RIF1: variants seen among roughly 807,000 people sequenced by gnomAD.
RIF1 encodes the protein replication timing regulatory factor 1.
In RIF1, 45 loss-of-function variants were observed where a neutral mutation model predicts 247.1. The observed-to-expected ratio is 0.18, with a 90% confidence interval of 0.14 to 0.23. The LOEUF is 0.23. RIF1 is among the 10% of genes least tolerant of loss of function. The pLI is 1.00. For missense variants in RIF1, 2,967 were observed against 2,862.5 expected, an observed-to-expected ratio of 1.04 and a Z score of -0.83; for synonymous variants, 1,087 against 978.8, an observed-to-expected ratio of 1.11 and a Z score of -2.06.
At chr2:151,524,364 G>A in the RIF1 span, 2 of 1,613,822 alleles carry the variant, frequency 1.2e-6, no homozygotes, top group African/African-American at 2.7e-5. Context: ...GGGCGACCGA[G>A]CATGCTTAAG....
intron 20 of RIF1, 150 bp from the exon 21 acceptor site, chr2:151,451,456 G>A: frequency 1.7e-6 from 1 of 578,942 alleles, no homozygotes. Context: ...TTAAGCCGTG[G>A]GTGGCTGCAC....
the RIF1 span, chr2:151,526,347 C>T: frequency 2.2e-6 from 2 of 907,652 alleles, no homozygotes; most frequent in Non-Finnish European, 3.6e-6. Flanking sequence ...AGTAGAACAG[C>T]AGCGTTGACA....
At chr2:151,493,728 C>T in intron 9 of RIF1, 4 of 1,351,254 alleles carry the variant, frequency 3.0e-6, no homozygotes, top group Non-Finnish European at 4.1e-6. Flanking sequence ...ACCATGTTTG[C>T]CAGGGCTGTT....
At chr2:151,423,893 T>C (rs1688569523) in intron 8 of RIF1, 1 of 152,156 alleles carries the variant, frequency 6.6e-6, no homozygotes, top group Non-Finnish European at 1.5e-5. Flanking sequence ...ATCACCACTA[T>C]CTATACCCAA....
chr2:151,524,357 C>T, the RIF1 span: 36 of 1,613,874 alleles, frequency 2.2e-5, no homozygotes, highest in Middle Eastern at 1.7e-4. Context: ...TATGTCTGGG[C>T]GACCGAGCAT....
intron 34 of RIF1, among the ~76,000 whole-genome samples, chr2:151,473,455 GT>G (rs531663902): frequency 2.6e-5 from 4 of 151,414 alleles, no homozygotes; most frequent in Admixed American, 6.6e-5. Flanking sequence ...TAATTTTTGT[GT>G]TTTTTGTAGA....
At chr2:151,424,564 T>C (rs1415005168) in intron 8 of RIF1, among the ~76,000 whole-genome samples, 1 of 152,170 alleles carries the variant, frequency 6.6e-6, no homozygotes, top group Non-Finnish European at 1.5e-5. Context: ...TAAACACCAG[T>C]GTACAAATCT....
rs781545854 is a variant in RIF1 at position 151,463,002 on chromosome 2, C to G, written c.3482C>G (p.Thr1161Ser). ...SNNECGSLDKTSPEMSNSNND... is the reference protein window; with the variant it reads ...SNNECGSLDKSSPEMSNSNND... ...AATGAGTGTGGTTCTCTTGACAAAA[C>G]CAGTCCAGAAATGTCAAACAGTAAT... Residue 1161 changes from threonine (T) to serine (S), a missense_variant, in exon 30 of 36, where the codon ACC becomes AGC. This residue lies in a region of RIF1 where 2,028 missense variants were observed against 1,825.6 expected (regional missense o/e 1.11). Coordinates refer to ENST00000444746, the MANE Select transcript of RIF1 (RefSeq NM_018151.5). 2.0e-5 allele frequency: 33 copies of G among 1,613,606 alleles called. No individual in the cohort carries two copies. Among genetic ancestry groups the G allele is most frequent in the African/African-American group, 2.7e-5 (2 of 74,910 alleles).
rs768372670 is a variant in RIF1 at position 151,463,507 on chromosome 2, T to C, written c.3987T>C (p.Pro1329=). 1 of 1,614,106 alleles carries C rather than the reference T, an allele frequency of 6.2e-7. No homozygotes were observed. Among genetic ancestry groups the C allele is most frequent in the Admixed American group, 1.7e-5 (1 of 60,030 alleles). Residue 1329 remains proline (P), a synonymous_variant, in exon 30 of 36, where the codon CCT becomes CCC. Transcript: ENST00000444746. ...EGIVVLENNP[P]GLLNQTECVS... ...TTGTAGTCTTAGAAAATAACCCACC[T>C]GGTTTGCTTAATCAAACAGAATGTG... is the stretch of plus-strand genomic sequence containing the variant.
At chr2:151,431,812 T>TGAATGAAC (rs1396705391) in intron 9 of RIF1, among the ~76,000 whole-genome samples, 9 of 148,434 alleles carry the variant, frequency 6.1e-5, no homozygotes, top group African/African-American at 9.8e-5. Flanking sequence ...AATGAATGAA[T>TGAATGAAC]GAACAAAAAG....
downstream of RIF1, among the ~76,000 whole-genome samples, chr2:151,512,374 GGACTGCAGTGGTGCAGTCACAGCT>G (rs1209390009): frequency 6.6e-6 from 1 of 150,514 alleles, no homozygotes; most frequent in Non-Finnish European, 1.5e-5. Context: ...GTCACCCAGG[GGACTGCAGTGGTGCAGTCACAGCT>G]GACTGCAGCC....
intron 13 of RIF1, among the ~76,000 whole-genome samples, chr2:151,437,873 G>A (rs886609342): frequency 2.0e-5 from 3 of 152,274 alleles, no homozygotes; most frequent in Non-Finnish European, 4.4e-5. Flanking sequence ...AGTCACTTAC[G>A]AGTGGTAGTA....
At position 151,496,942 on chromosome 2, in the gene RIF1, G is replaced by A. The variant is rs760687709; in HGVS notation, c.*513+1616G>A. On this transcript the variant is annotated intron_variant and NMD_transcript_variant, in intron 10 of 13. Coordinates refer to the RIF1 transcript ENST00000454583. Reference sequence around the variant, plus strand: ...TTTTTTCTTTTCTTGCCCAAGTACCGAGCTAATATTTTCTTGATTGTGTTT... The same window carrying A: ...TTTTTTCTTTTCTTGCCCAAGTACCAAGCTAATATTTTCTTGATTGTGTTT... 9.6e-6 allele frequency: 15 copies of A among 1,570,120 alleles called. No individual in the cohort carries two copies. In the Middle Eastern group the frequency reaches 6.6e-4, roughly 69 times the overall value.
chr2:151,414,273 C>T (rs1052346840), intron 3 of RIF1, among the ~76,000 whole-genome samples: 4 of 141,782 alleles, frequency 2.8e-5, no homozygotes, highest in Non-Finnish European at 4.6e-5. Flanking sequence ...GCAACAAGAG[C>T]GAAACTCTGT....
At chr2:151,430,707 A>G (rs183323033) in intron 9 of RIF1, among the ~76,000 whole-genome samples, 226 of 142,138 alleles carry the variant, frequency 1.6e-3, no homozygotes, top group African/African-American at 6.0e-3. Context: ...CCTGTCACCT[A>G]GACTGGAGTG....
At chr2:151,474,545 G>A (rs2048826872) in intron 35 of RIF1, among the ~76,000 whole-genome samples, 1 of 152,150 alleles carries the variant, frequency 6.6e-6, no homozygotes, top group East Asian at 1.9e-4. Context: ...ATGTGGTGGT[G>A]CATGCCAGTA....
exon 14 of RIF1, chr2:151,507,966 G>A: frequency 6.9e-7 from 1 of 1,456,002 alleles, no homozygotes; most frequent in Non-Finnish European, 9.5e-7. Context: ...GCACCCCTAG[G>A]TGCCTGTGGG....
At position 151,477,039 on chromosome 2, in the gene RIF1, A is replaced by G. The variant is rs2048962330; in HGVS notation, c.*1968A>G. On this transcript the variant is annotated 3_prime_UTR_variant, in exon 36 of 36. Coordinates refer to ENST00000444746, the MANE Select transcript of RIF1 (RefSeq NM_018151.5). ...ATGTACTTAAATCACTGAATTTTAT[A>G]TAAGCACAAGTATTAATTTTAAAAA... The G allele has an allele frequency of 6.6e-6, 1 of 152,258 alleles. No individual in the cohort carries two copies. Among genetic ancestry groups the G allele is most frequent in the African/African-American group, 2.4e-5 (1 of 41,474 alleles). The allele number at this position is 152,258 out of a possible 1,614,324, so 9.4% of individuals were successfully genotyped here. A position where few individuals can be genotyped will look rare whatever the true frequency, so the allele number is the denominator to read the frequency against.
intron 9 of RIF1, chr2:151,492,551 C>G (rs558033751): frequency 7.6e-7 from 1 of 1,319,478 alleles, no homozygotes; most frequent in East Asian, 2.3e-5. Context: ...AACCTCAAAG[C>G]CTTTCCAGCA....
Sources: gnomAD v4.1 joint callset for allele counts (sites outside exome capture counted in the v4.1 genomes callset) on GRCh38, gnomAD v4.1.1 for gene constraint, gnomAD v4.1.1 regional missense constraint, MANE v1.5 for transcripts, NCBI Gene and HGNC (gene_info 2026-07-23, HGNC 2026-07-21) for gene names.